Variants in EPHB1 observed in about 807,000 individuals in gnomAD.
EPHB1 encodes ephrin type-B receptor 1.
In EPHB1, 30 loss-of-function variants were observed where a neutral mutation model predicts 94.4. That is an observed-to-expected ratio of 0.32 (90% CI 0.24 to 0.43). The LOEUF (loss-of-function observed/expected upper bound fraction) is 0.43, where lower values mean the gene tolerates loss of function less well. Ranked by LOEUF, EPHB1 falls within the 20% of genes least tolerant of loss-of-function variation. The pLI is 1.00. For missense variants in EPHB1, 1,055 were observed against 1,308.3 expected (o/e 0.81, Z 2.99); for synonymous variants, 522 against 489.1 (o/e 1.07, Z -0.89).
At chr3:135,151,952 A>G (rs11712935) in intron 5 of EPHB1, among the ~76,000 whole-genome samples, 67,096 of 152,156 alleles carry the variant, frequency 0.44, 17,303 homozygotes, top group East Asian at 0.57. Flanking sequence ...TTTTTGATCC[A>G]AAGGCTATCG....
At chr3:134,822,600 A>G (rs2036402901) in intron 1 of EPHB1, among the ~76,000 whole-genome samples, 1 of 152,160 alleles carries the variant, frequency 6.6e-6, no homozygotes, top group Admixed American at 6.6e-5. Context: ...TCTATTGGTG[A>G]GCAAAGACCA....
intron 4 of EPHB1, among the ~76,000 whole-genome samples, chr3:135,116,773 C>G (rs1939736443): frequency 6.6e-6 from 1 of 152,206 alleles, no homozygotes; most frequent in South Asian, 2.1e-4. Flanking sequence ...GCCTTCTACC[C>G]TCTCCAAGGA....
At chr3:135,066,495 G>C (rs111615982) in intron 3 of EPHB1, among the ~76,000 whole-genome samples, 5,962 of 152,288 alleles carry the variant, frequency 0.039, 164 homozygotes, top group East Asian at 0.14. Flanking sequence ...ACTGCTGAGA[G>C]TTTCCAGAGC....
chr3:135,116,657 A>G (rs772856651), intron 4 of EPHB1, among the ~76,000 whole-genome samples: 20 of 152,200 alleles, frequency 1.3e-4, no homozygotes, highest in Non-Finnish European at 7.3e-5. Flanking sequence ...TCCCAAAGCC[A>G]GGTTCAGAAT....
At chr3:135,062,005 C>T (rs1937518235) in intron 3 of EPHB1, among the ~76,000 whole-genome samples, 1 of 152,134 alleles carries the variant, frequency 6.6e-6, no homozygotes. Flanking sequence ...CATTGTTGGA[C>T]ATTTGGGTTG....
intron 2 of EPHB1, among the ~76,000 whole-genome samples, chr3:134,943,358 G>T (rs1322769666): frequency 6.6e-6 from 1 of 151,474 alleles, no homozygotes; most frequent in East Asian, 1.9e-4. Context: ...CCTGCTTTGG[G>T]CCCTTGACAT....
chr3:134,947,636 A>T (rs996056126), intron 2 of EPHB1, among the ~76,000 whole-genome samples: 2 of 152,180 alleles, frequency 1.3e-5, no homozygotes, highest in African/African-American at 4.8e-5. Context: ...ACCCATTGTG[A>T]TTTCTCATTT....
At chr3:135,146,376 G>T (rs1297310544) in intron 5 of EPHB1, among the ~76,000 whole-genome samples, 1 of 152,190 alleles carries the variant, frequency 6.6e-6, no homozygotes, top group Non-Finnish European at 1.5e-5. Flanking sequence ...AGTTAGAGGT[G>T]GACAAGAGAG....
At chr3:135,195,301 C>T (rs184897375) in intron 11 of EPHB1, among the ~76,000 whole-genome samples, 7 of 152,034 alleles carry the variant, frequency 4.6e-5, no homozygotes, top group African/African-American at 1.7e-4. Flanking sequence ...AAACCCCACA[C>T]TGCTGCTCTT....
chr3:135,126,232 T>C (rs1285033387), intron 4 of EPHB1, among the ~76,000 whole-genome samples: 1 of 152,232 alleles, frequency 6.6e-6, no homozygotes, highest in African/African-American at 2.4e-5. Flanking sequence ...TTTTCCAAAC[T>C]ACAATCTTGA....
chr3:135,100,917 T>A (rs1280987234), intron 3 of EPHB1, among the ~76,000 whole-genome samples: 1 of 152,132 alleles, frequency 6.6e-6, no homozygotes, highest in Non-Finnish European at 1.5e-5. Flanking sequence ...CCTCCCCTTT[T>A]CTGAAGTTGG....
At position 134,849,846 on chromosome 3, in the gene EPHB1, C is replaced by T. The variant is rs79409829; in HGVS notation, c.58+54157C>T. On this transcript the variant is annotated intron_variant, in intron 1 of 15. Coordinates refer to ENST00000398015, the MANE Select transcript of EPHB1 (RefSeq NM_004441.5). ...CTTAGAATCTGGCTTAATTGCTTTT[C>T]GCTACATATCTGCCTTTACTGGGCT... 2.2e-3 allele frequency among the ~76,000 whole-genome samples: 332 copies of T among 152,266 alleles called. 2 individuals are homozygous for T. Among genetic ancestry groups the T allele is most frequent in the African/African-American group, 7.3e-3 (304 of 41,550 alleles).
At chr3:135,155,693 G>A (rs1347133463) in intron 6 of EPHB1, among the ~76,000 whole-genome samples, 2 of 143,266 alleles carry the variant, frequency 1.4e-5, no homozygotes, top group Non-Finnish European at 3.0e-5. Context: ...GGGAGGCTGA[G>A]GCTAGAGAAT....
intron 12 of EPHB1, among the ~76,000 whole-genome samples, chr3:135,236,473 A>C (rs983019149): frequency 6.6e-6 from 1 of 152,128 alleles, no homozygotes; most frequent in Non-Finnish European, 1.5e-5. Flanking sequence ...TTTTGTGGGG[A>C]TATAACTCAA....
chr3:135,237,110 T>A (rs141611332), intron 12 of EPHB1, among the ~76,000 whole-genome samples: 1 of 152,130 alleles, frequency 6.6e-6, no homozygotes, highest in African/African-American at 2.4e-5. Flanking sequence ...AGATGCTTGC[T>A]GCAGACTGTC....
At position 135,167,012 on chromosome 3, in the gene EPHB1, T is replaced by C. The variant is rs1050782505; in HGVS notation, c.1759+6T>C. The C allele has an allele frequency of 1.9e-6, 3 of 1,613,828 alleles. No individual in the cohort carries two copies. In the Admixed American group the frequency reaches 5.0e-5, roughly 27 times the overall value. On this transcript the variant is annotated splice_donor_region_variant and intron_variant, in intron 9 of 15. Coordinates refer to ENST00000398015, the MANE Select transcript of EPHB1 (RefSeq NM_004441.5). ...GCATTACAGCACAGGCCGAGGTAAG[T>C]AGAAAGCAGAGACCCGGTGTCTGAC...
rs567307525 is a variant in EPHB1 at position 135,223,530 on chromosome 3, T to C, written c.2347-17618T>C. 5.3e-5 allele frequency among the ~76,000 whole-genome samples: 8 copies of C among 152,346 alleles called. No homozygotes were observed. In the South Asian group the frequency reaches 6.2e-4, roughly 12 times the overall value. ...AGCTTAGAAGAGAGTTTACAAACCA[T>C]GTCCAATACTGGCTTTTAAAGAAGA... On this transcript the variant is annotated intron_variant, in intron 12 of 15. Transcript: ENST00000398015.
chr3:135,155,571 AG>A lies in EPHB1; in HGVS notation c.1422+1297del, dbSNP rs372521716. ...GCAATCCTAGCACGTTGGGAGGCTGAGGCAGGCAGATCAGTGGCGCTCAGGA... is the reference window on the plus strand; with the variant it reads ...GCAATCCTAGCACGTTGGGAGGCTGAGCAGGCAGATCAGTGGCGCTCAGGA... On this transcript the variant is annotated intron_variant, in intron 6 of 15. Transcript: ENST00000398015. 2.6e-3 allele frequency among the ~76,000 whole-genome samples: 400 copies of A among 152,224 alleles called. 2 individuals are homozygous for A. Among genetic ancestry groups the A allele is most frequent in the African/African-American group, 9.4e-3 (391 of 41,516 alleles).
chr3:134,858,836 C>A (rs1441315209), intron 1 of EPHB1, among the ~76,000 whole-genome samples: 5 of 152,194 alleles, frequency 3.3e-5, no homozygotes, highest in Non-Finnish European at 5.9e-5. Context: ...AGTGGGTCCC[C>A]AGAGCCCAGC....
Sources: gnomAD v4.1 joint callset for allele counts (sites outside exome capture counted in the v4.1 genomes callset) on GRCh38, gnomAD v4.1.1 for gene constraint, MANE v1.5 for transcripts, NCBI Gene and HGNC (gene_info 2026-07-23, HGNC 2026-07-21) for gene names.